ZNF439: variants seen among roughly 807,000 people sequenced by gnomAD.
ZNF439 encodes the protein zinc finger protein 439.
ZNF439 carries 40 observed loss-of-function variants against 47.3 expected under a neutral mutation model. The observed-to-expected ratio is 0.85, with a 90% CI of 0.66 to 1.10. The LOEUF (loss-of-function observed/expected upper bound fraction) is 1.10. ZNF439 is among the 50% of genes least tolerant of loss of function. The pLI, the probability that ZNF439 is intolerant of heterozygous loss-of-function variation, is 0.00. For synonymous variants in ZNF439, 171 were observed against 198.8 expected (o/e 0.86, Z 1.18); for missense variants, 556 against 601.1 (o/e 0.93, Z 0.78).
intron 3 of ZNF439, 118 bp from the exon 4 acceptor site, chr19:11,867,188 C>G: frequency 8.3e-7 from 1 of 1,209,444 alleles, no homozygotes; most frequent in Non-Finnish European, 1.1e-6. Flanking sequence ...ACAATTCAGA[C>G]AGGGCAGAAA....
Position 11,867,408 on chromosome 19 carries a change from A to G in ZNF439, c.354A>G (p.Lys118=), listed in dbSNP as rs1976716299. Residue 118 remains lysine (K), a synonymous_variant, in exon 4 of 4, where the codon AAA becomes AAG. Transcript: ENST00000682736. ...ACAGGCTGAACTTCCAGAAGAAGAA[A>G]GCTTCTCCTGAAGTAAAATCATGTG... The part of the protein sequence containing the change: ...PDDRLNFQKK[K]ASPEVKSCDS... The G allele has an allele frequency of 1.9e-6, 3 of 1,613,908 alleles. No homozygotes were observed. Among genetic ancestry groups the G allele is most frequent in the Non-Finnish European group, 1.7e-6 (2 of 1,179,908 alleles).
chr19:11,858,010 C>G (rs1300216122), intron 1 of ZNF439: 1 of 152,178 alleles, frequency 6.6e-6, no homozygotes, highest in African/African-American at 2.4e-5. Flanking sequence ...GAGTCTCCTT[C>G]AATGTTTGTC....
Position 11,866,034 on chromosome 19 carries a change from A to G in ZNF439, c.64-171A>G, listed in dbSNP as rs561516005. ...CTGTCTCAAAAAAATAAAAAAAAAA[A>G]TTGCTTTATGGAAGAAAGTAAGTAT... On this transcript the variant is annotated intron_variant, in intron 1 of 3. Transcript: ENST00000682736. The G allele has an allele frequency of 1.1e-4, 158 of 1,454,714 alleles. No individual in the cohort carries two copies. In the African/African-American group the frequency reaches 2.2e-3, roughly 20 times the overall value. 90.1% of individuals were successfully genotyped at this position (1,454,714 alleles called of 1,614,324 possible).
chr19:11,849,142 C>T (rs1976158449), intron 1 of ZNF439: 36 of 1,141,982 alleles, frequency 3.2e-5, no homozygotes, highest in Non-Finnish European at 3.6e-5. Context: ...CGGCCTTGGC[C>T]CCGAAGCCCT....
At chr19:11,859,526 A>C (rs565746998) in intron 1 of ZNF439, among the ~76,000 whole-genome samples, 26 of 152,348 alleles carry the variant, frequency 1.7e-4, no homozygotes, top group African/African-American at 5.8e-4. Flanking sequence ...GGCGCATAGC[A>C]CCAAAAAGAG....
chr19:11,866,457 G>A (rs1976686198), intron 2 of ZNF439, 80 bp from the exon 3 acceptor site: 4 of 1,601,428 alleles, frequency 2.5e-6, no homozygotes, highest in East Asian at 2.2e-5. Flanking sequence ...CATGGCTGCT[G>A]TAAATCATGG....
Position 11,869,025 on chromosome 19 carries a change from T to C in ZNF439, c.*456T>C. 1 of 278,008 alleles carries C rather than the reference T, an allele frequency of 3.6e-6. No individual in the cohort carries two copies. The highest frequency in any genetic ancestry group is 2.3e-5 in the African/African-American group (1 of 43,384). 17.2% of individuals were successfully genotyped at this position (278,008 alleles called of 1,614,324 possible). On this transcript the variant is annotated 3_prime_UTR_variant, in exon 4 of 4. Coordinates refer to ENST00000682736, the MANE Select transcript of ZNF439 (RefSeq NM_001348719.2). ...ACAAGCATTCAATTATTTTTCTTCCTTGCATATACATGAAAGGACTCATAC... is the reference window on the plus strand; with the variant it reads ...ACAAGCATTCAATTATTTTTCTTCCCTGCATATACATGAAAGGACTCATAC...
At chr19:11,849,675 G>A (rs1976179066) in intron 1 of ZNF439, 1 of 152,266 alleles carries the variant, frequency 6.6e-6, no homozygotes, top group Non-Finnish European at 1.5e-5. Context: ...CTGGTTGAGA[G>A]TGTGAAGCTT....
rs537098906 is a variant in ZNF439 at position 11,868,247 on chromosome 19, G to T, written c.1193G>T (p.Arg398Leu). 2 of 1,613,414 alleles carry T rather than the reference G, an allele frequency of 1.2e-6. No homozygotes were observed. The highest frequency in any genetic ancestry group is 2.2e-5 in the South Asian group (2 of 91,016). ...KCKQCGKAFT[R>L]SGSFRYHERT... is the part of the protein sequence containing the mutation. ...AAGCAATGTGGTAAAGCCTTCACTCGTTCCGGTTCCTTTCGATATCATGAA... is the reference window on the plus strand; with the variant it reads ...AAGCAATGTGGTAAAGCCTTCACTCTTTCCGGTTCCTTTCGATATCATGAA... The change falls in exon 4 of 4, where the codon CGT becomes CTT. Residue 398 changes from arginine (R) to leucine (L), a missense_variant. By Grantham distance (102) the Arg-to-Leu change is moderately radical. Transcript: ENST00000682736.
chr19:11,867,954 G>A lies in ZNF439; in HGVS notation c.900G>A (p.Glu300=), dbSNP rs1326907814. 2 of 1,614,112 alleles carry A rather than the reference G, an allele frequency of 1.2e-6. No homozygotes were observed. Among genetic ancestry groups the A allele is most frequent in the East Asian group, 2.2e-5 (1 of 44,872 alleles). ...CHRHERSHMG[E]KAYQCKECGK... is the part of the protein sequence containing the mutation. ...GACATGAAAGGAGTCACATGGGAGA[G>A]AAGGCTTATCAATGTAAGGAATGTG... is the stretch of plus-strand genomic sequence containing the variant. Residue 300 remains glutamate, a synonymous_variant, in exon 4 of 4, where the codon GAG becomes GAA. Coordinates refer to ENST00000682736, the MANE Select transcript of ZNF439 (RefSeq NM_001348719.2).
At chr19:11,851,656 A>G (rs1005211279) in intron 1 of ZNF439, among the ~76,000 whole-genome samples, 11 of 138,330 alleles carry the variant, frequency 8.0e-5, no homozygotes, top group Admixed American at 2.1e-4. Context: ...GAGGTACAAT[A>G]ATTTAATTTT....
intron 1 of ZNF439, among the ~76,000 whole-genome samples, chr19:11,852,548 C>T (rs1454160989): frequency 6.6e-6 from 1 of 152,144 alleles, no homozygotes; most frequent in African/African-American, 2.4e-5. Flanking sequence ...CTCACTCTGT[C>T]GTCTAGGCTG....
At chr19:11,863,730 A>G (rs1390581588) in intron 1 of ZNF439, among the ~76,000 whole-genome samples, 1 of 152,122 alleles carries the variant, frequency 6.6e-6, no homozygotes, top group African/African-American at 2.4e-5. Flanking sequence ...GGTTTTCACA[A>G]GTGTTAAGTT....
In ZNF439 at chr19:11,868,127, C is replaced by A; in HGVS notation, c.1073C>A (p.Pro358His). Reference sequence around the variant, plus strand: ...ATAAGAATGCACTCTGGAGAAAGACCTTATGAATGTAAGACATGTGGGAAA... The same window carrying A: ...ATAAGAATGCACTCTGGAGAAAGACATTATGAATGTAAGACATGTGGGAAA... ...THIRMHSGER[P>H]YECKTCGKGF... The change falls in exon 4 of 4, where the codon CCT (proline) becomes CAT (histidine). Residue 358 changes from proline to histidine, a missense_variant. Transcript: ENST00000682736. 6.2e-7 allele frequency: 1 copy of A among 1,614,142 alleles called. No homozygotes were observed. The highest frequency in any genetic ancestry group is 8.5e-7 in the Non-Finnish European group (1 of 1,180,024).
intron 1 of ZNF439, among the ~76,000 whole-genome samples, chr19:11,861,483 A>G (rs1976539351): frequency 6.6e-6 from 1 of 152,014 alleles, no homozygotes; most frequent in Non-Finnish European, 1.5e-5. Context: ...TGAATGCCTT[A>G]TGGTGGCAGA....
At chr19:11,858,467 G>GA (rs34251067) in intron 1 of ZNF439, among the ~76,000 whole-genome samples, 9,839 of 104,490 alleles carry the variant, frequency 0.094, 587 homozygotes, top group East Asian at 0.33. Context: ...CTCCATCTCG[G>GA]AAAAAAAAAA....
At chr19:11,866,732 T>A (rs1181839665) in intron 3 of ZNF439, 135 bp downstream of exon 3, 4 of 968,676 alleles carry the variant, frequency 4.1e-6, no homozygotes, top group Non-Finnish European at 5.9e-6. Flanking sequence ...TATCTAAAAA[T>A]ATATATTTAA....
intron 1 of ZNF439, chr19:11,849,271 G>C (rs1976163754): frequency 2.0e-6 from 2 of 1,012,982 alleles, no homozygotes; most frequent in Non-Finnish European, 2.4e-6. Flanking sequence ...GCGGTCTGTG[G>C]GGCCCACAGC....
At chr19:11,848,987 GA>G (rs1406301355) in intron 1 of ZNF439, 57 bp downstream of exon 1, 1 of 1,473,698 alleles carries the variant, frequency 6.8e-7, no homozygotes, top group African/African-American at 1.4e-5. Flanking sequence ...GAACTGGCGG[GA>G]CCCGGGCCTC....
Sources: allele counts gnomAD v4.1 joint callset (sites outside exome capture counted in the v4.1 genomes callset), GRCh38; gene constraint gnomAD v4.1.1; transcripts MANE v1.5; gene names NCBI Gene and HGNC (gene_info 2026-07-23, HGNC 2026-07-21).